SNX30: variants seen among roughly 807,000 people sequenced by gnomAD.
SNX30 encodes sorting nexin family member 30, also known as sorting nexin-30.
Under a neutral mutation model 46.4 loss-of-function variants are expected in SNX30, and 24 were observed. The ratio of observed to expected loss-of-function variants is 0.52; its 90% CI spans 0.37 to 0.73. SNX30 has a LOEUF of 0.73. Among genes scored for constraint, SNX30 ranks in the 30% least tolerant of loss-of-function variants. The pLI is 0.00. For missense variants in SNX30, 533 were observed against 555.7 expected (o/e 0.96, Z 0.41); for synonymous variants, 189 against 211.5 (o/e 0.89, Z 0.92).
chr9:112,781,606 C>CT (rs1470122072), intron 1 of SNX30, among the ~76,000 whole-genome samples: 2 of 151,732 alleles, frequency 1.3e-5, no homozygotes, highest in Non-Finnish European at 2.9e-5. Flanking sequence ...GTTAAGAATG[C>CT]TTTTTTATTG....
chr9:112,795,710 ACTACCCGAC>A (rs1840094294), intron 1 of SNX30, among the ~76,000 whole-genome samples: 1 of 151,402 alleles, frequency 6.6e-6, no homozygotes. Flanking sequence ...GCTTGAAGTC[ACTACCCGAC>A]CTGGGGAGAC....
intron 1 of SNX30, among the ~76,000 whole-genome samples, chr9:112,797,711 C>CTTTTTTTTTTTTTTTTTTTCTT (rs71384277): frequency 8.2e-6 from 1 of 121,358 alleles, no homozygotes; most frequent in Non-Finnish European, 1.6e-5. Flanking sequence ...TTTTCTTTTT[C>CTTTTTTTTTTTTTTTTTTTCTT]TTTTTTTTTT....
chr9:112,776,346 A>G (rs960160538), intron 1 of SNX30, among the ~76,000 whole-genome samples: 3 of 152,032 alleles, frequency 2.0e-5, no homozygotes, highest in Admixed American at 2.0e-4. Context: ...ATTTCATTCT[A>G]TCCTGGTGTT....
At chr9:112,789,686 A>C (rs963214874) in intron 1 of SNX30, among the ~76,000 whole-genome samples, 2 of 152,196 alleles carry the variant, frequency 1.3e-5, no homozygotes, top group African/African-American at 4.8e-5. Context: ...GGAGAAGTGA[A>C]TGTTAGTCTG....
intron 1 of SNX30, among the ~76,000 whole-genome samples, chr9:112,787,285 T>C (rs1333913671): frequency 6.6e-6 from 1 of 152,182 alleles, no homozygotes; most frequent in African/African-American, 2.4e-5. Context: ...GAGAACCTGT[T>C]CTGTACGGGG....
At chr9:112,760,685 G>T (rs559902588) in intron 1 of SNX30, among the ~76,000 whole-genome samples, 2 of 152,312 alleles carry the variant, frequency 1.3e-5, no homozygotes, top group East Asian at 3.9e-4. Context: ...GTTATAGGGG[G>T]TCATAAATTC....
chr9:112,879,552 G>A (rs902597936), downstream of SNX30: 20 of 535,870 alleles, frequency 3.7e-5, no homozygotes, highest in Non-Finnish European at 3.7e-5. Flanking sequence ...GTGTCTTAAA[G>A]CTGAGAACGT....
intron 1 of SNX30, among the ~76,000 whole-genome samples, chr9:112,787,704 C>T (rs1839952913): frequency 6.6e-6 from 1 of 151,748 alleles, no homozygotes; most frequent in Admixed American, 6.6e-5. Flanking sequence ...AATGTTGGTG[C>T]ATAATTTTTG....
chr9:112,835,065 C>T (rs186176815), intron 4 of SNX30, among the ~76,000 whole-genome samples: 24 of 152,330 alleles, frequency 1.6e-4, no homozygotes, highest in Non-Finnish European at 2.8e-4. Flanking sequence ...ATTCTCTGCT[C>T]TATCCTCTGC....
chr9:112,764,559 C>T (rs1839501942), intron 1 of SNX30, among the ~76,000 whole-genome samples: 1 of 152,024 alleles, frequency 6.6e-6, no homozygotes, highest in African/African-American at 2.4e-5. Flanking sequence ...TCATTCCAAT[C>T]AAGTGTTTTA....
chr9:112,767,389 C>T (rs1839560776), intron 1 of SNX30, among the ~76,000 whole-genome samples: 1 of 152,014 alleles, frequency 6.6e-6, no homozygotes, highest in Non-Finnish European at 1.5e-5. Flanking sequence ...TCTGTAAGTG[C>T]CTTTTTACTC....
intron 1 of SNX30, among the ~76,000 whole-genome samples, chr9:112,795,764 G>GTC (rs138429863): frequency 0.55 from 51,516 of 93,500 alleles, 9,253 homozygotes; most frequent in Middle Eastern, 0.64. Context: ...TCACAGTACA[G>GTC]TCACACACAC....
intron 4 of SNX30, 57 bp from the exon 5 acceptor site, chr9:112,836,157 T>C: frequency 6.8e-7 from 1 of 1,460,038 alleles, no homozygotes; most frequent in Non-Finnish European, 9.2e-7. Flanking sequence ...CTGTTTTATT[T>C]AGTCCTGCCC....
chr9:112,874,836 A>T lies in SNX30; in HGVS notation c.*5993A>T, dbSNP rs930140404. ...CCACTTTTTTCATATATCTGTGTAT[A>T]AAAAAATTGTTGTTTACTATGGAAT... On this transcript the variant is annotated 3_prime_UTR_variant, in exon 9 of 9. Transcript: ENST00000374232. 1.5e-4 allele frequency: 23 copies of T among 152,120 alleles called. No homozygotes were observed. The highest frequency in any genetic ancestry group is 5.6e-4 in the African/African-American group (23 of 41,434). The allele number at this position is 152,120 out of a possible 1,614,324, so 9.4% of individuals were successfully genotyped here.
intron 3 of SNX30, among the ~76,000 whole-genome samples, chr9:112,818,851 G>A (rs1448631076): frequency 1.3e-5 from 2 of 152,152 alleles, no homozygotes; most frequent in Admixed American, 6.5e-5. Context: ...TGATAGGAAC[G>A]ATGGCTCTCA....
intron 1 of SNX30, among the ~76,000 whole-genome samples, chr9:112,757,458 A>G (rs191667806): frequency 5.3e-5 from 8 of 152,310 alleles, no homozygotes; most frequent in Non-Finnish European, 1.0e-4. Context: ...GCTGCAGTGA[A>G]TGTGGGAGTG....
intron 6 of SNX30, among the ~76,000 whole-genome samples, chr9:112,841,966 T>C (rs192745566): frequency 1.3e-5 from 2 of 152,244 alleles, no homozygotes; most frequent in Non-Finnish European, 2.9e-5. Flanking sequence ...TTTTTGGAGA[T>C]GGACTCTTGC....
intron 1 of SNX30, among the ~76,000 whole-genome samples, chr9:112,790,196 G>C (rs1385923320): frequency 6.6e-6 from 1 of 152,300 alleles, no homozygotes; most frequent in African/African-American, 2.4e-5. Flanking sequence ...AGATACATTT[G>C]AATAACTCTC....
intron 1 of SNX30, 112 bp downstream of exon 1, chr9:112,751,269 C>T (rs1236432134): frequency 3.3e-6 from 4 of 1,230,280 alleles, no homozygotes; most frequent in Non-Finnish European, 4.2e-6. Flanking sequence ...CGCCCCTTCC[C>T]GGGGGACGGG....
Sources: allele counts gnomAD v4.1 joint callset (sites outside exome capture counted in the v4.1 genomes callset), GRCh38; gene constraint gnomAD v4.1.1; transcripts MANE v1.5; gene names NCBI Gene and HGNC (gene_info 2026-07-23, HGNC 2026-07-21).